The following PCNX2 variants were observed in gnomAD, a reference collection of about 807,000 sequenced individuals.
The protein encoded by PCNX2 is pecanex 2, also known as pecanex-like protein 2.
In PCNX2, 168 loss-of-function variants were observed where a neutral mutation model predicts 223.8. That is an observed-to-expected ratio of 0.75 (90% confidence interval 0.66 to 0.85). PCNX2 has a LOEUF of 0.85. Among genes scored for constraint, PCNX2 ranks in the 40% least tolerant of loss-of-function variants. PCNX2 has a pLI of 0.00. For missense variants in PCNX2, 2,507 were observed against 2,675.5 expected (o/e 0.94, Z 1.39); for synonymous variants, 1,006 against 1,052.6 (o/e 0.96, Z 0.86).
intron 23 of PCNX2, chr1:233,057,521 G>A: frequency 2.1e-6 from 1 of 479,702 alleles, no homozygotes; most frequent in Non-Finnish European, 3.8e-6. Flanking sequence ...TCTCTGATTT[G>A]GAGAGAACGG....
At chr1:233,103,664 T>A (rs772481039) in intron 21 of PCNX2, among the ~76,000 whole-genome samples, 23 of 152,192 alleles carry the variant, frequency 1.5e-4, no homozygotes, top group African/African-American at 2.4e-4. Context: ...TACCACATTT[T>A]AAAAAATCCA....
At chr1:233,303,653 T>TA in the PCNX2 span, among the ~76,000 whole-genome samples, 47 of 89,672 alleles carry the variant, frequency 5.2e-4, no homozygotes, top group African/African-American at 9.3e-4. Flanking sequence ...GAATTTTTTT[T>TA]TATTATACTT....
chr1:232,988,432 T>A (rs960255), intron 32 of PCNX2, among the ~76,000 whole-genome samples: 37,800 of 151,706 alleles, frequency 0.25, 4,948 homozygotes, highest in African/African-American at 0.34. Context: ...TTTTTTTTTT[T>A]AATTAATTTT....
chr1:233,111,641 C>T (rs180723405), intron 21 of PCNX2, among the ~76,000 whole-genome samples: 2 of 152,166 alleles, frequency 1.3e-5, no homozygotes, highest in Admixed American at 6.5e-5. Context: ...TGAGCTCAAG[C>T]GATCTGCCCA....
At chr1:232,985,465 C>T (rs1669439939) in intron 33 of PCNX2, 1 of 154,758 alleles carries the variant, frequency 6.5e-6, no homozygotes, top group African/African-American at 2.4e-5. Flanking sequence ...CATCGATTTT[C>T]CCTGTCTACC....
intron 21 of PCNX2, among the ~76,000 whole-genome samples, chr1:233,099,128 G>A (rs765740012): frequency 2.0e-5 from 3 of 152,194 alleles, no homozygotes; most frequent in African/African-American, 7.2e-5. Context: ...TGAAACCAGA[G>A]ATCAAAGTTC....
chr1:233,113,113 C>A, intron 21 of PCNX2: 1 of 855,862 alleles, frequency 1.2e-6, no homozygotes, highest in Non-Finnish European at 1.6e-6. Context: ...GTGAGCTGGC[C>A]AGTTGGGTGA....
At chr1:233,236,060 TAAAG>T (rs901232526) in intron 9 of PCNX2, among the ~76,000 whole-genome samples, 6 of 148,712 alleles carry the variant, frequency 4.0e-5, no homozygotes, top group Non-Finnish European at 7.4e-5. Flanking sequence ...TAAACAGAAA[TAAAG>T]AAACTTGACA....
chr1:233,218,983 G>A (rs545250366), intron 10 of PCNX2, among the ~76,000 whole-genome samples: 56 of 152,122 alleles, frequency 3.7e-4, no homozygotes, highest in Admixed American at 7.9e-4. Context: ...CAGGAGAGTT[G>A]AGGGTGAGCT....
intron 25 of PCNX2, chr1:233,031,702 C>T (rs1481959168): frequency 2.9e-5 from 28 of 973,370 alleles, no homozygotes; most frequent in Non-Finnish European, 3.4e-5. Flanking sequence ...AAAAGGGAGA[C>T]AGTTAAAGCC....
At chr1:233,282,677 G>C (rs1441724024) in intron 1 of PCNX2, among the ~76,000 whole-genome samples, 2 of 152,046 alleles carry the variant, frequency 1.3e-5, no homozygotes, top group African/African-American at 2.4e-5. Flanking sequence ...ACCATCTCTT[G>C]ACTGGGTGAC....
chr1:233,109,783 C>A (rs978458988), intron 21 of PCNX2, among the ~76,000 whole-genome samples: 1 of 152,146 alleles, frequency 6.6e-6, no homozygotes, highest in Admixed American at 6.5e-5. Flanking sequence ...TAAATAATAG[C>A]CAATAAATTT....
At chr1:233,150,405 A>G (rs1677728013) in intron 19 of PCNX2, among the ~76,000 whole-genome samples, 2 of 152,242 alleles carry the variant, frequency 1.3e-5, no homozygotes, top group African/African-American at 4.8e-5. Flanking sequence ...GATAGACATT[A>G]TTCAGGTTCA....
chr1:233,273,389 G>A (rs1426589470), intron 1 of PCNX2, among the ~76,000 whole-genome samples: 1 of 151,972 alleles, frequency 6.6e-6, no homozygotes, highest in Non-Finnish European at 1.5e-5. Flanking sequence ...GGCTAGAAGG[G>A]ATCCCTGTGC....
chr1:233,324,598 ATT>A, the PCNX2 span, among the ~76,000 whole-genome samples: 16 of 127,534 alleles, frequency 1.3e-4, no homozygotes, highest in African/African-American at 1.2e-4. Flanking sequence ...GTTTACTGAA[ATT>A]TTTTTTTTTT....
At chr1:233,181,602 A>G (rs901386190) in intron 15 of PCNX2, among the ~76,000 whole-genome samples, 29 of 152,204 alleles carry the variant, frequency 1.9e-4, no homozygotes, top group African/African-American at 4.6e-4. Flanking sequence ...ATAAGAAAAT[A>G]TCATAGACTG....
At chr1:233,291,384 C>A (rs1358691364) in intron 1 of PCNX2, among the ~76,000 whole-genome samples, 1 of 152,008 alleles carries the variant, frequency 6.6e-6, no homozygotes, top group African/African-American at 2.4e-5. Flanking sequence ...CCAAGGCGGG[C>A]GGATCACCTG....
At chr1:233,103,778 C>T (rs113309433) in intron 21 of PCNX2, among the ~76,000 whole-genome samples, 2,520 of 152,182 alleles carry the variant, frequency 0.017, 57 homozygotes, top group African/African-American at 0.058. Flanking sequence ...TACTGATTTC[C>T]CTTCTTTGGG....
At chr1:233,325,977 A>G in the PCNX2 span, among the ~76,000 whole-genome samples, 1 of 152,224 alleles carries the variant, frequency 6.6e-6, no homozygotes, top group Non-Finnish European at 1.5e-5. Flanking sequence ...AATTTGCCAT[A>G]GCCACTCCAA....
Sources: gnomAD v4.1 joint callset for allele counts (sites outside exome capture counted in the v4.1 genomes callset) on GRCh38, gnomAD v4.1.1 for gene constraint, MANE v1.5 for transcripts, NCBI Gene and HGNC (gene_info 2026-07-23, HGNC 2026-07-21) for gene names.